The following DLG2 variants were observed in gnomAD, a reference collection of about 807,000 sequenced individuals.
DLG2 encodes the protein discs large MAGUK scaffold protein 2.
In DLG2, 45 loss-of-function variants were observed where a neutral mutation model predicts 132.5. The observed-to-expected ratio is 0.34, with a 90% confidence interval of 0.27 to 0.44. The LOEUF (loss-of-function observed/expected upper bound fraction) is 0.44. Ranked by LOEUF, DLG2 falls within the 20% of genes least tolerant of loss-of-function variation. DLG2 has a pLI of 1.00. For missense variants in DLG2, 1,045 were observed against 1,196.9 expected (o/e 0.87, Z 1.87); for synonymous variants, 424 against 419.6 (o/e 1.01, Z -0.13).
intron 15 of DLG2, among the ~76,000 whole-genome samples, chr11:83,925,007 A>G (rs972005252): frequency 6.6e-6 from 1 of 152,072 alleles, no homozygotes; most frequent in African/African-American, 2.4e-5. Context: ...CTGAGGTCAT[A>G]TTTGCTTCCA....
chr11:83,699,566 C>T (rs139808696), intron 18 of DLG2, among the ~76,000 whole-genome samples: 5,831 of 149,644 alleles, frequency 0.039, 163 homozygotes, highest in Middle Eastern at 0.094. Context: ...AAAAACTAGC[C>T]GGGCGTGGTG....
chr11:83,810,180 T>C (rs2046906209), intron 17 of DLG2, among the ~76,000 whole-genome samples: 1 of 152,050 alleles, frequency 6.6e-6, no homozygotes, highest in African/African-American at 2.4e-5. Flanking sequence ...TGAGAACAAG[T>C]CCACCTGAGG....
intron 15 of DLG2, among the ~76,000 whole-genome samples, chr11:83,906,182 G>C (rs1390290910): frequency 6.7e-6 from 1 of 148,218 alleles, no homozygotes; most frequent in African/African-American, 2.5e-5. Context: ...GTTTTGTTAG[G>C]AGTAAATTCC....
intron 7 of DLG2, among the ~76,000 whole-genome samples, chr11:84,297,637 C>A (rs895683260): frequency 6.6e-6 from 1 of 152,116 alleles, no homozygotes; most frequent in Non-Finnish European, 1.5e-5. Context: ...TCCCCTCAAA[C>A]TCATTCTCAC....
intron 3 of DLG2, among the ~76,000 whole-genome samples, chr11:85,398,500 T>G (rs976358591): frequency 1.3e-5 from 2 of 152,026 alleles, no homozygotes; most frequent in Admixed American, 6.6e-5. Context: ...GCTGGATTTT[T>G]GAAAATATCA....
At chr11:85,421,619 A>G (rs1476521030) in intron 3 of DLG2, among the ~76,000 whole-genome samples, 1 of 151,984 alleles carries the variant, frequency 6.6e-6, no homozygotes, top group Non-Finnish European at 1.5e-5. Context: ...ACCTTTCTGC[A>G]ATTCTGTATC....
intron 8 of DLG2, among the ~76,000 whole-genome samples, chr11:84,166,522 A>AAAAGAAAGAAAG (rs539763492): frequency 2.2e-3 from 311 of 141,570 alleles, no homozygotes; most frequent in African/African-American, 7.1e-3. Context: ...AAAAAAAAAG[A>AAAAGAAAGAAAG]AAAGAAAGAA....
intron 3 of DLG2, among the ~76,000 whole-genome samples, chr11:85,415,306 GC>G (rs775507568): frequency 1.3e-5 from 2 of 152,126 alleles, no homozygotes; most frequent in African/African-American, 4.8e-5. Flanking sequence ...TGTGAATAGT[GC>G]CACAATAAAC....
intron 3 of DLG2, among the ~76,000 whole-genome samples, chr11:85,343,727 G>A (rs1163311016): frequency 6.6e-6 from 1 of 152,096 alleles, no homozygotes; most frequent in East Asian, 1.9e-4. Flanking sequence ...AGAGAGTGAT[G>A]ATGTATGGTT....
chr11:84,285,342 T>A (rs974355696), intron 7 of DLG2, among the ~76,000 whole-genome samples: 1 of 152,170 alleles, frequency 6.6e-6, no homozygotes, highest in African/African-American at 2.4e-5. Flanking sequence ...TCTGATGGAA[T>A]AATTTGGACC....
At chr11:83,829,059 G>C (rs1025697894) in intron 17 of DLG2, among the ~76,000 whole-genome samples, 1 of 152,094 alleles carries the variant, frequency 6.6e-6, no homozygotes. Context: ...AAGAACAATT[G>C]AGACCAAAGA....
At chr11:84,942,420 T>G (rs1376110556) in intron 6 of DLG2, among the ~76,000 whole-genome samples, 14 of 152,120 alleles carry the variant, frequency 9.2e-5, no homozygotes, top group Admixed American at 8.5e-4. Context: ...ATTGGTATAT[T>G]CTGTCTCCAT....
chr11:84,226,598 A>C (rs2096998297), intron 8 of DLG2, among the ~76,000 whole-genome samples: 1 of 152,228 alleles, frequency 6.6e-6, no homozygotes, highest in Non-Finnish European at 1.5e-5. Flanking sequence ...GACTACTCAT[A>C]CTATGTGCCC....
intron 10 of DLG2, among the ~76,000 whole-genome samples, chr11:84,093,605 C>G (rs2097127360): frequency 6.6e-6 from 1 of 151,828 alleles, no homozygotes; most frequent in African/African-American, 2.4e-5. Context: ...TGGGGAGTGG[C>G]ATTTTTATTT....
intron 3 of DLG2, among the ~76,000 whole-genome samples, chr11:85,475,766 A>C (rs1202653102): frequency 6.6e-6 from 1 of 152,102 alleles, no homozygotes; most frequent in Non-Finnish European, 1.5e-5. Context: ...GGCAATAACA[A>C]ATAACAAAGC....
At chr11:85,137,195 G>C (rs1415702073) in intron 5 of DLG2, among the ~76,000 whole-genome samples, 1 of 152,000 alleles carries the variant, frequency 6.6e-6, no homozygotes, top group East Asian at 1.9e-4. Context: ...CTGAAACTAG[G>C]TGCTTGCTAT....
At chr11:84,935,695 C>G (rs2048658365) in intron 6 of DLG2, among the ~76,000 whole-genome samples, 1 of 152,054 alleles carries the variant, frequency 6.6e-6, no homozygotes, top group Non-Finnish European at 1.5e-5. Flanking sequence ...CAATGTTGAT[C>G]CTCCTGCAAT....
At chr11:84,304,311 A>C (rs1486370762) in intron 7 of DLG2, among the ~76,000 whole-genome samples, 1 of 152,234 alleles carries the variant, frequency 6.6e-6, no homozygotes, top group Non-Finnish European at 1.5e-5. Flanking sequence ...AGGGAGACTG[A>C]GAAGGAAACT....
At chr11:85,172,147 C>T (rs373124534) in intron 4 of DLG2, among the ~76,000 whole-genome samples, 127 of 152,294 alleles carry the variant, frequency 8.3e-4, no homozygotes, top group African/African-American at 2.6e-3. Flanking sequence ...TCCCTTCCTC[C>T]GGACTGGGTG....
Sources: gnomAD v4.1 joint callset for allele counts (sites outside exome capture counted in the v4.1 genomes callset) on GRCh38, gnomAD v4.1.1 for gene constraint, MANE v1.5 for transcripts, NCBI Gene and HGNC (gene_info 2026-07-23, HGNC 2026-07-21) for gene names.